The following VAMP3 variants were observed in gnomAD, a reference collection of about 807,000 sequenced individuals.
The protein encoded by VAMP3 is vesicle-associated membrane protein 3.
VAMP3 carries 11 observed loss-of-function variants against 18.1 expected under a neutral mutation model. The observed-to-expected ratio is 0.61, with a 90% CI of 0.38 to 1.00. The LOEUF (loss-of-function observed/expected upper bound fraction) is 1.00. Among genes scored for constraint, VAMP3 ranks in the 50% least tolerant of loss-of-function variants. The pLI, the probability that VAMP3 is intolerant of heterozygous loss-of-function variation, is 0.01. For missense variants in VAMP3, 122 were observed against 127.3 expected, an observed-to-expected ratio of 0.96 and a Z score of 0.20; for synonymous variants, 49 against 43.1, an observed-to-expected ratio of 1.14 and a Z score of -0.53.
chr1:7,778,321 G>C, intron 4 of VAMP3, 152 bp downstream of exon 4: 1 of 891,912 alleles, frequency 1.1e-6, no homozygotes. Context: ...CCAAAGCTTT[G>C]GGAGGCCAGG....
intron 4 of VAMP3, among the ~76,000 whole-genome samples, chr1:7,779,202 TAAATA>T (rs2097055850): frequency 6.6e-6 from 1 of 151,752 alleles, no homozygotes; most frequent in African/African-American, 2.4e-5. Context: ...CTCAAAAAAA[TAAATA>T]AATAAAATAA....
chr1:7,772,901 GGAAAAA>G (rs1317809670), intron 1 of VAMP3: 1 of 152,396 alleles, frequency 6.6e-6, no homozygotes, highest in Non-Finnish European at 1.5e-5. Context: ...CAAAAGAGGG[GGAAAAA>G]GAAAGAGTAC....
intron 4 of VAMP3, 35 bp downstream of exon 4, chr1:7,778,204 CT>C (rs746866094): frequency 1.9e-6 from 3 of 1,605,846 alleles, no homozygotes; most frequent in South Asian, 2.2e-5. Context: ...TTGGAAAAGT[CT>C]TCTCCATGTG....
intron 2 of VAMP3, among the ~76,000 whole-genome samples, chr1:7,774,034 G>A (rs960696187): frequency 2.0e-5 from 3 of 152,212 alleles, no homozygotes; most frequent in Non-Finnish European, 2.9e-5. Flanking sequence ...TCTGTTTGTA[G>A]AATTCTTGAG....
At chr1:7,772,499 C>A (rs1558352440) in intron 1 of VAMP3, among the ~76,000 whole-genome samples, 2 of 152,308 alleles carry the variant, frequency 1.3e-5, no homozygotes, top group Non-Finnish European at 1.5e-5. Context: ...GTGATACTTT[C>A]CAAGTAATGG....
chr1:7,778,631 C>T (rs707460), intron 4 of VAMP3, among the ~76,000 whole-genome samples: 84,549 of 151,948 alleles, frequency 0.56, 23,905 homozygotes, highest in Admixed American at 0.63. Context: ...AGATTTGATA[C>T]AAACATTAAT....
At chr1:7,774,422 T>C (rs1479885108) in intron 2 of VAMP3, among the ~76,000 whole-genome samples, 1 of 151,944 alleles carries the variant, frequency 6.6e-6, no homozygotes, top group Non-Finnish European at 1.5e-5. Flanking sequence ...TACCATAACA[T>C]ACAACTAAAC....
intron 2 of VAMP3, among the ~76,000 whole-genome samples, chr1:7,774,181 C>T (rs1166408750): frequency 6.6e-6 from 1 of 152,184 alleles, no homozygotes; most frequent in East Asian, 1.9e-4. Context: ...CTGCATTTAG[C>T]TGCCCTGAAA....
intron 2 of VAMP3, among the ~76,000 whole-genome samples, chr1:7,776,205 G>C (rs145232169): frequency 2.0e-4 from 30 of 152,268 alleles, no homozygotes; most frequent in African/African-American, 6.3e-4. Flanking sequence ...TCTTAGCAAT[G>C]TTTTCTAGTT....
chr1:7,777,441 A>G, intron 3 of VAMP3, 123 bp downstream of exon 3: 2 of 1,267,148 alleles, frequency 1.6e-6, no homozygotes, highest in Non-Finnish European at 2.1e-6. Flanking sequence ...CCACATGGAA[A>G]TGTGGGTCCA....
intron 2 of VAMP3, among the ~76,000 whole-genome samples, chr1:7,775,410 C>T (rs1013900077): frequency 6.6e-6 from 1 of 151,796 alleles, no homozygotes; most frequent in African/African-American, 2.4e-5. Context: ...TGCAGTGGTG[C>T]AATCTCAGCT....
rs2097056385 is a variant in VAMP3, at chr1:7,780,211, T to C, written c.*566T>C. 1 of 153,100 alleles carries C rather than the reference T, an allele frequency of 6.5e-6. No individual in the cohort carries two copies. Among genetic ancestry groups the C allele is most frequent in the African/African-American group, 2.4e-5 (1 of 41,472 alleles). 9.5% of individuals were successfully genotyped at this position (153,100 alleles called of 1,614,324 possible). ...CTCTTGCATTAGATTTGAAGATGTT[T>C]ACATTGTTGTTATTGTTATGTATCA... is the stretch of plus-strand genomic sequence containing the variant. On this transcript the variant is annotated 3_prime_UTR_variant, in exon 5 of 5. Transcript: ENST00000054666.
rs1345246702 is a variant in VAMP3 at position 7,777,175 on chromosome 1, C to T, written c.88C>T (p.Arg30Ter). Residue 30 changes from arginine (R) to a stop codon, truncating the protein, a stop_gained, in exon 3 of 5, where the codon CGA becomes TGA. Coordinates refer to ENST00000054666, the MANE Select transcript of VAMP3 (RefSeq NM_004781.4). LOFTEE classifies it high-confidence loss of function. ...NQVDEVVDIM[R>*]VNVDKVLERD... is the part of the protein sequence containing the mutation. ...ACTCATCTAGGTGGTGGACATAATG[C>T]GAGTTAACGTGGACAAGGTTCTGGA... 7.4e-6 allele frequency: 12 copies of T among 1,611,542 alleles called. No individual in the cohort carries two copies. Among genetic ancestry groups the T allele is most frequent in the Admixed American group, 3.4e-5 (2 of 59,628 alleles).
At chr1:7,777,400 T>G in intron 3 of VAMP3, 82 bp downstream of exon 3, 2 of 1,472,890 alleles carry the variant, frequency 1.4e-6, no homozygotes, top group East Asian at 2.5e-5. Context: ...TAATGGACTT[T>G]CACGACTCTG....
Sources: allele counts gnomAD v4.1 joint callset (sites outside exome capture counted in the v4.1 genomes callset), GRCh38; gene constraint gnomAD v4.1.1; transcripts MANE v1.5; gene names NCBI Gene and HGNC (gene_info 2026-07-23, HGNC 2026-07-21).